The following PLK2 variants were observed in gnomAD, a reference collection of about 807,000 sequenced individuals.
PLK2 encodes serine/threonine-protein kinase PLK2.
In PLK2, 25 loss-of-function variants were observed where a neutral mutation model predicts 78.1. The ratio of observed to expected loss-of-function variants is 0.32; its 90% CI spans 0.23 to 0.45. The LOEUF (loss-of-function observed/expected upper bound fraction) is 0.45. Among genes scored for constraint, PLK2 ranks in the 20% least tolerant of loss-of-function variants. The pLI is 1.00. For synonymous variants in PLK2, 332 were observed against 298.2 expected (o/e 1.11, Z -1.17); for missense variants, 566 against 840.2 (o/e 0.67, Z 4.04).
At chr5:58,456,720 T>C in intron 8 of PLK2, 131 bp from the exon 9 acceptor site, 1 of 689,422 alleles carries the variant, frequency 1.5e-6, no homozygotes, top group Non-Finnish European at 2.4e-6. Flanking sequence ...GCATTTTACC[T>C]TTGCCTTTAG....
intron 9 of PLK2, 158 bp downstream of exon 9, chr5:58,456,334 C>G: frequency 2.6e-6 from 2 of 764,102 alleles, no homozygotes; most frequent in Non-Finnish European, 4.3e-6. Flanking sequence ...AACTAAAAGA[C>G]TTCCTTTTAG....
Position 58,457,346 on chromosome 5 carries a change from T to G in PLK2, c.843A>C (p.Glu281Asp), listed in dbSNP as rs773245011. The G allele has an allele frequency of 6.2e-7, 1 of 1,613,540 alleles. No individual in the cohort carries two copies. The highest frequency in any genetic ancestry group is 1.1e-5 in the South Asian group (1 of 91,082). ...TATAAGTTTCTTTGAGATTTGTAGT[T>G]TCAAATGGGGGCCTCCCTAGTAACA... The part of the protein sequence containing the change: ...YTMLLGRPPF[E>D]TTNLKETYRC... The change falls in exon 7 of 14, where the codon GAA becomes GAC. Residue 281 changes from glutamate to aspartate, a missense_variant. Coordinates refer to ENST00000274289, the MANE Select transcript of PLK2 (RefSeq NM_006622.4).
chr5:58,456,801 G>T, intron 8 of PLK2, 144 bp downstream of exon 8: 1 of 639,124 alleles, frequency 1.6e-6, no homozygotes, highest in Non-Finnish European at 2.6e-6. Flanking sequence ...TTCAAGGTAT[G>T]GATTTATTAT....
At position 58,459,706 on chromosome 5, in the gene PLK2, C is replaced by A; in HGVS notation, c.254G>T (p.Gly85Val). 1.3e-6 allele frequency: 2 copies of A among 1,592,046 alleles called. No homozygotes were observed. Among genetic ancestry groups the A allele is most frequent in the South Asian group, 1.1e-5 (1 of 89,824 alleles). Residue 85 changes from glycine to valine, a missense_variant, in exon 1 of 14, where the codon GGC becomes GTC. Physicochemically the swap from Gly to Val is moderately radical, Grantham distance 109. Coordinates refer to ENST00000274289, the MANE Select transcript of PLK2 (RefSeq NM_006622.4). ...DPTTGKRYCR[G>V]KVLGKGGFAK... The stretch of plus-strand genomic sequence containing the variant: ...GCTTGTCACCTTTCCCAGCACTTTG[C>A]CCCGGCAGTAGCGCTTCCCAGTCGT...
rs772578213 is a variant in PLK2, at chr5:58,454,970, G to A, written c.1807C>T (p.Leu603Phe). The A allele has an allele frequency of 6.2e-7, 1 of 1,613,360 alleles. No individual in the cohort carries two copies. Among genetic ancestry groups the A allele is most frequent in the Non-Finnish European group, 8.5e-7 (1 of 1,179,336 alleles). The change falls in exon 13 of 14, where the codon CTT becomes TTT. Residue 603 changes from leucine (L) to phenylalanine (F), a missense_variant. Around this residue, in one of 5 missense-constraint regions of PLK2, gnomAD observed 130 missense variants for 196.4 expected, o/e 0.66. Transcript: ENST00000274289. ...GCCTTATCAGATTTTAGCCACTGAA[G>A]GAGGTAGAGCCGAGGTCTTCGAATA... ...TDIRRPRLYL[L>F]QWLKSDKALM...
At position 58,457,228 on chromosome 5, in the gene PLK2, C is replaced by T. The variant is rs1392610749; in HGVS notation, c.961G>A (p.Asp321Asn). 1 of 1,614,100 alleles carries T rather than the reference C, an allele frequency of 6.2e-7. No individual in the cohort carries two copies. The highest frequency in any genetic ancestry group is 2.2e-5 in the East Asian group (1 of 44,882). Residue 321 changes from aspartate (D) to asparagine (N), a missense_variant, in exon 7 of 14, where the codon GAT becomes AAT. Around this residue, in one of 5 missense-constraint regions of PLK2, gnomAD observed 179 missense variants for 342.3 expected, o/e 0.52. Transcript: ENST00000274289. ...IASMLSKNPE[D>N]RPSLDDIIRH... ...ATGATGTCATCCAAACTGGGACGAT[C>T]CTCTGGGTTTTTGGACAACATACTA...
In PLK2 at chr5:58,455,530, T is replaced by A; in HGVS notation, c.1625+9A>T. On this transcript the variant is annotated intron_variant, in intron 11 of 13. Coordinates refer to ENST00000274289, the MANE Select transcript of PLK2 (RefSeq NM_006622.4). ...GAACTGACAGGATTTCATTAATTGATACACTTACTTTTTGTCTGGAAGGAG... is the reference window on the plus strand; with the variant it reads ...GAACTGACAGGATTTCATTAATTGAAACACTTACTTTTTGTCTGGAAGGAG... 1.9e-6 allele frequency: 3 copies of A among 1,614,036 alleles called. No individual in the cohort carries two copies. In the South Asian group the frequency reaches 3.3e-5, roughly 18 times the overall value.
Position 58,456,124 on chromosome 5 carries a change from C to T in PLK2, c.1286G>A (p.Arg429Lys). ...ELQPPTTTVARSGTPAVENKQ... is the reference protein window; with the variant it reads ...ELQPPTTTVAKSGTPAVENKQ... ...GTTTTCTACTGCGGGTGTTCCAGAC[C>T]TGGCAACTGTGGTGGTAGGTGGCTG... Residue 429 changes from arginine to lysine, a missense_variant, in exon 10 of 14, where the codon AGG (arginine) becomes AAG (lysine). This residue lies in a region of PLK2 where 129 missense variants were observed against 156.0 expected (regional missense o/e 0.83). Transcript: ENST00000274289. The T allele has an allele frequency of 6.2e-7, 1 of 1,613,922 alleles. No homozygotes were observed. Among genetic ancestry groups the T allele is most frequent in the African/African-American group, 1.3e-5 (1 of 74,986 alleles).
chr5:58,456,279 GC>G, intron 9 of PLK2, 124 bp from the exon 10 acceptor site: 1 of 956,484 alleles, frequency 1.0e-6, no homozygotes, highest in Middle Eastern at 2.2e-4. Context: ...ATGGACACAA[GC>G]CAGATAAAAG....
chr5:58,459,901 T>C lies in PLK2; in HGVS notation c.59A>G (p.Gln20Arg), dbSNP rs764239655. 2 of 1,612,252 alleles carry C rather than the reference T, an allele frequency of 1.2e-6. No individual in the cohort carries two copies. The highest frequency in any genetic ancestry group is 2.2e-5 in the East Asian group (1 of 44,832). Residue 20 changes from glutamine to arginine, a missense_variant, in exon 1 of 14, where the codon CAG (glutamine) becomes CGG (arginine). Coordinates refer to ENST00000274289, the MANE Select transcript of PLK2 (RefSeq NM_006622.4). ...CGCTCCGCAACCCTTGCCCAGCGCC[T>C]GCTCGCACATTTTGGTGCTGGCGGC... is the stretch of plus-strand genomic sequence containing the variant. Reference protein sequence around the residue: ...QPAASTKMCEQALGKGCGADS... With the variant: ...QPAASTKMCERALGKGCGADS...
rs1425800057 is a variant in PLK2 at position 58,459,856 on chromosome 5, G to A, written c.104C>T (p.Pro35Leu). The change falls in exon 1 of 14, where the codon CCG becomes CTG. Residue 35 changes from proline (P) to leucine (L), a missense_variant. Pro to Leu is a moderately conservative substitution (Grantham distance 98). Transcript: ENST00000274289. ...GCGADSKKKR[P>L]PQPPEESQPP... ...CTGCGATTCCTCGGGGGGCTGCGGCGGCCGCTTCTTCTTCGAGTCCGCTCC... is the reference window on the plus strand; with the variant it reads ...CTGCGATTCCTCGGGGGGCTGCGGCAGCCGCTTCTTCTTCGAGTCCGCTCC... 4 of 1,610,636 alleles carry A rather than the reference G, an allele frequency of 2.5e-6. No homozygotes were observed. Among genetic ancestry groups the A allele is most frequent in the Admixed American group, 1.7e-5 (1 of 59,984 alleles).
chr5:58,460,005 G>A lies in PLK2; in HGVS notation c.-46C>T, dbSNP rs757241887. ...CTGCCCGCTGCCACCCCCTAGGCGC[G>A]GTCACACGTCCGAGCCGGCCGTGGT... On this transcript the variant is annotated 5_prime_UTR_variant, in exon 1 of 14. Transcript: ENST00000274289. 2 of 1,537,860 alleles carry A rather than the reference G, an allele frequency of 1.3e-6. No individual in the cohort carries two copies. Among genetic ancestry groups the A allele is most frequent in the Non-Finnish European group, 1.7e-6 (2 of 1,143,452 alleles).
chr5:58,456,640 GGA>G, intron 8 of PLK2, 51 bp from the exon 9 acceptor site: 7 of 1,147,940 alleles, frequency 6.1e-6, no homozygotes, highest in Non-Finnish European at 7.7e-6. Flanking sequence ...TAACAAGGTA[GGA>G]ACAGGGTTAG....
At chr5:58,459,605 G>T in intron 1 of PLK2, 85 bp downstream of exon 1, 2 of 1,219,894 alleles carry the variant, frequency 1.6e-6, no homozygotes, top group African/African-American at 1.6e-5. Context: ...AGCGGCGGGC[G>T]AGGGACCCCG....
chr5:58,455,500 C>T lies in PLK2; in HGVS notation c.1625+39G>A, dbSNP rs771754458. ...GTTTTTAGATTTCTTTAGTGCAAGA[C>T]TAGAGAACTGACAGGATTTCATTAA... On this transcript the variant is annotated intron_variant, in intron 11 of 13. Transcript: ENST00000274289. 21 of 1,613,004 alleles carry T rather than the reference C, an allele frequency of 1.3e-5. No homozygotes were observed. The Middle Eastern group carries it at 6.6e-4, about 50-fold the overall frequency.
rs1410507198 is a variant in PLK2, at chr5:58,455,421, A to G, written c.1626-7T>C. The G allele has an allele frequency of 4.3e-6, 7 of 1,613,594 alleles. No homozygotes were observed. The African/African-American group carries it at 9.3e-5, about 22-fold the overall frequency. On this transcript the variant is annotated splice_polypyrimidine_tract_variant and splice_region_variant and intron_variant, in intron 11 of 13. Coordinates refer to ENST00000274289, the MANE Select transcript of PLK2 (RefSeq NM_006622.4). Reference sequence around the variant, plus strand: ...TGCGTAATAGTGAACTGTTCTATAAAAACAGGAACGAAAGGGAGAGAAGAG... The same window carrying G: ...TGCGTAATAGTGAACTGTTCTATAAGAACAGGAACGAAAGGGAGAGAAGAG...
At chr5:58,457,641 T>A (rs1029973014) in intron 5 of PLK2, 58 bp from the exon 6 acceptor site, 1 of 956,260 alleles carries the variant, frequency 1.0e-6, no homozygotes, top group South Asian at 1.3e-5. Context: ...TAAACTTGGT[T>A]CTCTTGACAT....
At chr5:58,455,996 T>A in intron 10 of PLK2, 30 bp downstream of exon 10, 1 of 1,598,326 alleles carries the variant, frequency 6.3e-7, no homozygotes, top group Non-Finnish European at 8.5e-7. Flanking sequence ...TCGAGTTTCA[T>A]TATTTAAAAT....
Position 58,457,161 on chromosome 5 carries a change from A to G in PLK2, c.1008+20T>C, listed in dbSNP as rs748657317. ...TGGGATCAATACCAGGTAATTAAAAAAAAAAGATAGTGCACCAACCTGCAA... is the reference window on the plus strand; with the variant it reads ...TGGGATCAATACCAGGTAATTAAAAGAAAAAGATAGTGCACCAACCTGCAA... On this transcript the variant is annotated intron_variant, in intron 7 of 13. Transcript: ENST00000274289. 1.6e-5 allele frequency: 26 copies of G among 1,612,600 alleles called. No individual in the cohort carries two copies. Among genetic ancestry groups the G allele is most frequent in the Non-Finnish European group, 2.1e-5 (25 of 1,179,398 alleles).
Sources: allele counts gnomAD v4.1 joint callset, GRCh38; gene constraint gnomAD v4.1.1; regional missense constraint gnomAD v4.1.1; transcripts MANE v1.5; gene names NCBI Gene and HGNC (gene_info 2026-07-23, HGNC 2026-07-21).